The following MAD1L1 variants were observed in gnomAD, a reference collection of about 807,000 sequenced individuals.
MAD1L1 encodes the protein mitotic spindle assembly checkpoint protein MAD1.
A neutral mutation model predicts 96.9 loss-of-function variants in MAD1L1; 95 were observed. The observed-to-expected ratio is 0.98, with a 90% CI of 0.83 to 1.16. The LOEUF is 1.16. MAD1L1 is among the 50% of genes most tolerant of loss of function. The probability of loss-of-function intolerance (pLI) is 0.00; values close to 1 mark genes in which losing one functional copy is unlikely to be tolerated. For synonymous variants in MAD1L1, 473 were observed against 396.6 expected (o/e 1.19, Z -2.29); for missense variants, 1,007 against 954.4 (o/e 1.06, Z -0.73).
Position 2,225,444 on chromosome 7 carries a change from T to G in MAD1L1, c.257A>C (p.Glu86Ala). 2 of 1,613,854 alleles carry G rather than the reference T, an allele frequency of 1.2e-6. No individual in the cohort carries two copies. Among genetic ancestry groups the G allele is most frequent in the Non-Finnish European group, 1.7e-6 (2 of 1,180,038 alleles). Residue 86 changes from glutamate (E) to alanine (A), a missense_variant, in exon 4 of 19, where the codon GAG (glutamate) becomes GCG (alanine). Physicochemically the swap from Glu to Ala is moderately radical, Grantham distance 107. Transcript: ENST00000265854. ...LSHKRARVEL[E>A]RAASTSARNY... ...CCTGGCACTGGTGCTGGCTGCTCTC[T>G]CCAGCTCCACTCGAGCCCTCTTGTG...
intron 16 of MAD1L1, among the ~76,000 whole-genome samples, chr7:1,954,940 T>C (rs1274012708): frequency 6.6e-6 from 1 of 151,954 alleles, no homozygotes. Flanking sequence ...TGTGGACAGC[T>C]CTGGGCTCTT....
intron 18 of MAD1L1, among the ~76,000 whole-genome samples, chr7:1,875,593 G>A (rs1395911805): frequency 6.6e-6 from 1 of 152,212 alleles, no homozygotes; most frequent in African/African-American, 2.4e-5. Flanking sequence ...GGAGGGGCAG[G>A]GAGAGGAAAG....
At chr7:2,179,907 G>A (rs1791116232) in intron 10 of MAD1L1, among the ~76,000 whole-genome samples, 1 of 151,796 alleles carries the variant, frequency 6.6e-6, no homozygotes, top group Non-Finnish European at 1.5e-5. Flanking sequence ...GGAGGCGGAG[G>A]TCACAGTGAG....
chr7:1,822,565 C>T (rs1776366466), intron 18 of MAD1L1, among the ~76,000 whole-genome samples: 1 of 151,346 alleles, frequency 6.6e-6, no homozygotes, highest in Non-Finnish European at 1.5e-5. Flanking sequence ...GTAGCTGTAA[C>T]TACAGGTGCG....
intron 12 of MAD1L1, among the ~76,000 whole-genome samples, chr7:2,059,679 G>A (rs995964496): frequency 6.6e-6 from 1 of 151,682 alleles, no homozygotes; most frequent in African/African-American, 2.4e-5. Flanking sequence ...AGAGGTGTGG[G>A]GCTGGCAGGG....
At chr7:2,113,040 C>A (rs1240257144) in intron 11 of MAD1L1, among the ~76,000 whole-genome samples, 1 of 151,630 alleles carries the variant, frequency 6.6e-6, no homozygotes, top group South Asian at 2.1e-4. Context: ...ATAACCTACT[C>A]GACGAGGGGC....
chr7:1,853,400 G>A (rs1380870338), intron 18 of MAD1L1, among the ~76,000 whole-genome samples: 2 of 152,194 alleles, frequency 1.3e-5, no homozygotes, highest in African/African-American at 2.4e-5. Flanking sequence ...CAGGGAGGAC[G>A]CACACGGCAG....
intron 17 of MAD1L1, among the ~76,000 whole-genome samples, chr7:1,902,734 C>T (rs757178575): frequency 5.3e-5 from 8 of 152,264 alleles, no homozygotes; most frequent in Non-Finnish European, 1.0e-4. Flanking sequence ...GAGGACCCAG[C>T]AGCAGGCACC....
At chr7:2,064,026 C>T (rs1427781541) in intron 12 of MAD1L1, among the ~76,000 whole-genome samples, 3 of 152,152 alleles carry the variant, frequency 2.0e-5, no homozygotes, top group Non-Finnish European at 2.9e-5. Context: ...CGTAGCAGGC[C>T]GGCTCCACAG....
chr7:2,173,835 GC>G (rs1269257609), intron 10 of MAD1L1, among the ~76,000 whole-genome samples: 2 of 152,140 alleles, frequency 1.3e-5, no homozygotes, highest in African/African-American at 4.8e-5. Context: ...GTCTCACTCT[GC>G]CACCCAGGCT....
chr7:1,927,274 C>T (rs780897401), intron 17 of MAD1L1, among the ~76,000 whole-genome samples: 11 of 152,164 alleles, frequency 7.2e-5, no homozygotes, highest in Non-Finnish European at 1.5e-4. Flanking sequence ...GTTCATGTAT[C>T]GGAAGACTCA....
intron 16 of MAD1L1, among the ~76,000 whole-genome samples, chr7:1,954,486 C>G (rs1779637491): frequency 6.6e-6 from 1 of 152,112 alleles, no homozygotes; most frequent in Non-Finnish European, 1.5e-5. Flanking sequence ...GGGAAGAGCA[C>G]AGGGCACACT....
chr7:1,943,178 C>G (rs767571000), intron 16 of MAD1L1, among the ~76,000 whole-genome samples: 1 of 152,176 alleles, frequency 6.6e-6, no homozygotes, highest in Non-Finnish European at 1.5e-5. Context: ...TGGAAGAAAA[C>G]AGAGGAGGAA....
chr7:2,084,196 G>C (rs1278378727), intron 11 of MAD1L1, among the ~76,000 whole-genome samples: 1 of 152,228 alleles, frequency 6.6e-6, no homozygotes, highest in African/African-American at 2.4e-5. Flanking sequence ...AAACACAATG[G>C]AAGTTTCTGC....
intron 17 of MAD1L1, among the ~76,000 whole-genome samples, chr7:1,918,119 C>A (rs930719366): frequency 2.0e-5 from 3 of 152,170 alleles, no homozygotes; most frequent in Non-Finnish European, 2.9e-5. Flanking sequence ...TGCCCCGGAC[C>A]GTGCTCCACT....
At position 2,146,579 on chromosome 7, in the gene MAD1L1, T is replaced by G. The variant is rs982351899; in HGVS notation, c.1073+2573A>C. Among the ~76,000 whole-genome samples, 2 of 152,142 alleles carry G rather than the reference T, an allele frequency of 1.3e-5. No homozygotes were observed. The highest frequency in any genetic ancestry group is 6.5e-5 in the Admixed American group (1 of 15,284). The stretch of plus-strand genomic sequence containing the variant: ...GCTGGTCCGCACAGACGAGGGAAAA[T>G]GCCCAGCAGCTGCTCTCATGACCCG... On this transcript the variant is annotated intron_variant, in intron 11 of 18. Transcript: ENST00000265854. The surrounding 1 kb of genome is among the most constrained non-coding windows in gnomAD (Gnocchi z 6.2).
chr7:2,044,734 T>C (rs1263404630), intron 12 of MAD1L1, among the ~76,000 whole-genome samples: 2 of 152,140 alleles, frequency 1.3e-5, no homozygotes, highest in Non-Finnish European at 2.9e-5. Flanking sequence ...CTTTGTGAGA[T>C]TCAGTGAGGA....
At chr7:2,165,728 C>T (rs1377287933) in intron 10 of MAD1L1, among the ~76,000 whole-genome samples, 1 of 145,448 alleles carries the variant, frequency 6.9e-6, no homozygotes, top group African/African-American at 2.6e-5. Context: ...TGGCAGACTC[C>T]CCATCCCCAA....
intron 5 of MAD1L1, among the ~76,000 whole-genome samples, chr7:2,219,672 GGGGCAGA>G (rs1285788418): frequency 1.4e-5 from 2 of 144,806 alleles, no homozygotes; most frequent in Admixed American, 1.4e-4. Context: ...GGGGGCAAGG[GGGGCAGA>G]GGGCAGGGGG....
Sources: gnomAD v4.1 joint callset for allele counts (sites outside exome capture counted in the v4.1 genomes callset) on GRCh38, gnomAD v4.1.1 for gene constraint, Gnocchi (gnomAD v3.1) non-coding constraint, MANE v1.5 for transcripts, NCBI Gene and HGNC (gene_info 2026-07-23, HGNC 2026-07-21) for gene names.